Variants in TMEM132B observed in about 807,000 individuals in gnomAD.
TMEM132B encodes the protein transmembrane protein 132B.
Under a neutral mutation model 90.8 loss-of-function variants are expected in TMEM132B, and 18 were observed. That is an observed-to-expected ratio of 0.20 (90% CI 0.14 to 0.29). The LOEUF (loss-of-function observed/expected upper bound fraction) is 0.29. Ranked by LOEUF, TMEM132B falls within the 10% of genes least tolerant of loss-of-function variation. TMEM132B has a pLI of 1.00. For missense variants in TMEM132B, 1,096 were observed against 1,326.8 expected (o/e 0.83, Z 2.70); for synonymous variants, 504 against 523.3 (o/e 0.96, Z 0.50).
At chr12:125,387,115 T>G (rs1878860204) in intron 2 of TMEM132B, among the ~76,000 whole-genome samples, 1 of 145,630 alleles carries the variant, frequency 6.9e-6, no homozygotes, top group African/African-American at 2.5e-5. Context: ...AGAAGTCTTC[T>G]ATCTTAAAAG....
chr12:125,591,071 G>A (rs914579480), intron 5 of TMEM132B, among the ~76,000 whole-genome samples: 6 of 152,172 alleles, frequency 3.9e-5, no homozygotes, highest in East Asian at 1.9e-4. Context: ...GGAGTGGCAC[G>A]CTGGTGTTTC....
chr12:125,632,007 C>G (rs141966246), intron 5 of TMEM132B, among the ~76,000 whole-genome samples: 1 of 151,926 alleles, frequency 6.6e-6, no homozygotes, highest in African/African-American at 2.4e-5. Context: ...TAAGGACTTA[C>G]TCCTTCCATT....
In TMEM132B at chr12:125,186,398, G is replaced by T. The variant is rs1957760071; in HGVS notation, c.-402G>T. ...CGCTCGCTCGCTCACTCTCTCGCTG[G>T]CTCGAGGGGCGGCCGGCAGATGGCG... On this transcript the variant is annotated 5_prime_UTR_variant, in exon 1 of 9. Coordinates refer to ENST00000682704, the MANE Select transcript of TMEM132B (RefSeq NM_001366854.1). This position sits in a 1 kb window ranked among gnomAD's most constrained non-coding sequence, Gnocchi z 6.3. Among the ~76,000 whole-genome samples, 1 of 147,886 alleles carries T rather than the reference G, an allele frequency of 6.8e-6. No homozygotes were observed.
chr12:125,571,115 C>T (rs536227049), intron 4 of TMEM132B, among the ~76,000 whole-genome samples: 6 of 152,232 alleles, frequency 3.9e-5, no homozygotes, highest in African/African-American at 1.4e-4. Flanking sequence ...AAAAGAAATG[C>T]GATTGTTAGG....
intron 3 of TMEM132B, among the ~76,000 whole-genome samples, chr12:125,494,692 T>TGGAA: frequency 8.7e-6 from 1 of 114,890 alleles, no homozygotes. Flanking sequence ...CCTTCCTCCC[T>TGGAA]GAAAATGGCT....
chr12:125,349,282 T>A lies in TMEM132B; in HGVS notation c.68-170T>A, dbSNP rs960850084. 6.6e-6 allele frequency among the ~76,000 whole-genome samples: 1 copy of A among 152,190 alleles called. No individual in the cohort carries two copies. Among genetic ancestry groups the A allele is most frequent in the South Asian group, 2.1e-4 (1 of 4,828 alleles). ...ACTCTGTGCTGTCTTTTTGGGAAGA[T>A]CCTGAAGACCATACTTTATATAATT... On this transcript the variant is annotated intron_variant, in intron 1 of 8. Transcript: ENST00000682704. The surrounding 1 kb of genome is among the most constrained non-coding windows in gnomAD (Gnocchi z 4.1).
chr12:125,656,258 A>G lies in TMEM132B; in HGVS notation c.*1548A>G, dbSNP rs1402080997. The G allele has an allele frequency of 2.6e-5, 4 of 152,218 alleles. No homozygotes were observed. Among genetic ancestry groups the G allele is most frequent in the African/African-American group, 4.8e-5 (2 of 41,450 alleles). 9.4% of individuals were successfully genotyped at this position (152,218 alleles called of 1,614,324 possible). A position where few individuals can be genotyped will look rare whatever the true frequency, so the allele number is the denominator to read the frequency against. ...TGAGCCATTTGCATCTCTAAGAAAT[A>G]TGATTTTAAAGGCCCAAAGTAGGAA... On this transcript the variant is annotated 3_prime_UTR_variant, in exon 9 of 9. Coordinates refer to ENST00000682704, the MANE Select transcript of TMEM132B (RefSeq NM_001366854.1).
chr12:125,589,354 G>GTACAT (rs1566082616), intron 5 of TMEM132B, among the ~76,000 whole-genome samples: 2 of 151,282 alleles, frequency 1.3e-5, no homozygotes. Flanking sequence ...TAGTGGCGGG[G>GTACAT]GCCTGTAGTC....
rs560076232 is a variant in TMEM132B at position 125,549,096 on chromosome 12, A to G, written c.1293+29471A>G. ...ATTGGTCCTAAGGAAGTTTCTAAGA[A>G]TAAATGATTTGATATAAGCTACATC... On this transcript the variant is annotated intron_variant, in intron 4 of 8. Coordinates refer to ENST00000682704, the MANE Select transcript of TMEM132B (RefSeq NM_001366854.1). Among the ~76,000 whole-genome samples the G allele has an allele frequency of 2.6e-5, 4 of 152,384 alleles. No homozygotes were observed. The South Asian group carries it at 8.3e-4, about 32-fold the overall frequency.
intron 3 of TMEM132B, among the ~76,000 whole-genome samples, chr12:125,487,406 A>G (rs1328955615): frequency 6.6e-6 from 1 of 152,172 alleles, no homozygotes; most frequent in Non-Finnish European, 1.5e-5. Flanking sequence ...ATAACCCTCT[A>G]TCTCAGTGGT....
At chr12:125,386,526 A>G (rs1374998963) in intron 2 of TMEM132B, among the ~76,000 whole-genome samples, 1 of 152,170 alleles carries the variant, frequency 6.6e-6, no homozygotes, top group East Asian at 1.9e-4. Flanking sequence ...TTCTTTTTGC[A>G]TTTGCATTTT....
chr12:125,292,824 T>C (rs891437716), intron 1 of TMEM132B, among the ~76,000 whole-genome samples: 3 of 152,202 alleles, frequency 2.0e-5, no homozygotes, highest in African/African-American at 4.8e-5. Flanking sequence ...TTTCCTTGGA[T>C]CATGTACCTG....
chr12:125,484,613 T>C (rs1882152348), intron 3 of TMEM132B, among the ~76,000 whole-genome samples: 2 of 152,170 alleles, frequency 1.3e-5, no homozygotes, highest in Non-Finnish European at 2.9e-5. Context: ...GGTCTCTATG[T>C]TGTTTCTGAA....
At chr12:125,493,486 G>T (rs529940603) in intron 3 of TMEM132B, among the ~76,000 whole-genome samples, 1 of 152,076 alleles carries the variant, frequency 6.6e-6, no homozygotes, top group Non-Finnish European at 1.5e-5. Flanking sequence ...CACACCAGAG[G>T]GAACGTCGAC....
intron 2 of TMEM132B, among the ~76,000 whole-genome samples, chr12:125,403,798 G>A (rs1879384832): frequency 6.6e-6 from 1 of 152,192 alleles, no homozygotes; most frequent in Admixed American, 6.5e-5. Context: ...TCTCCCACGT[G>A]ATTAGGAGGG....
intron 1 of TMEM132B, among the ~76,000 whole-genome samples, chr12:125,268,003 T>C (rs954964425): frequency 1.3e-5 from 2 of 152,062 alleles, no homozygotes; most frequent in Non-Finnish European, 2.9e-5. Context: ...CCCTGTACTT[T>C]AGGAGGCTGA....
intron 3 of TMEM132B, among the ~76,000 whole-genome samples, chr12:125,506,576 T>A (rs941047231): frequency 2.0e-5 from 3 of 152,214 alleles, no homozygotes; most frequent in African/African-American, 7.2e-5. Context: ...AAAATTATAT[T>A]TCTATGTAAC....
At chr12:125,392,960 A>G (rs956684847) in intron 2 of TMEM132B, among the ~76,000 whole-genome samples, 1 of 152,206 alleles carries the variant, frequency 6.6e-6, no homozygotes, top group Non-Finnish European at 1.5e-5. Flanking sequence ...ATCCGATGCC[A>G]GCTTCCCTCC....
intron 4 of TMEM132B, among the ~76,000 whole-genome samples, chr12:125,557,302 G>A (rs1386119247): frequency 6.6e-6 from 1 of 152,036 alleles, no homozygotes; most frequent in Admixed American, 6.6e-5. Context: ...TTACCTAGAA[G>A]ACTGGGGTCT....
Sources: allele counts gnomAD v4.1 joint callset (sites outside exome capture counted in the v4.1 genomes callset), GRCh38; gene constraint gnomAD v4.1.1; non-coding constraint Gnocchi (gnomAD v3.1); transcripts MANE v1.5; gene names NCBI Gene and HGNC (gene_info 2026-07-23, HGNC 2026-07-21).